DLGAP2: variants seen among roughly 807,000 people sequenced by gnomAD.
The protein encoded by DLGAP2 is DLG associated protein 2.
DLGAP2 carries 26 observed loss-of-function variants against 100.3 expected under a neutral mutation model. The ratio of observed to expected loss-of-function variants is 0.26; its 90% CI spans 0.19 to 0.36. DLGAP2 has a LOEUF of 0.36. DLGAP2 is among the 10% of genes least tolerant of loss of function. The probability of loss-of-function intolerance (pLI) is 1.00; values close to 1 mark genes in which losing one functional copy is unlikely to be tolerated. For missense variants in DLGAP2, 1,858 were observed against 1,453.2 expected (o/e 1.28, Z -4.53); for synonymous variants, 886 against 630.1 (o/e 1.41, Z -6.08).
chr8:1,588,554 T>C (rs568320091), intron 6 of DLGAP2, among the ~76,000 whole-genome samples: 4 of 152,132 alleles, frequency 2.6e-5, no homozygotes, highest in Non-Finnish European at 2.9e-5. Flanking sequence ...AAGGACTGAA[T>C]AGATAAATAA....
chr8:967,846 A>T lies in DLGAP2; in HGVS notation c.73+59880A>T, dbSNP rs1452900835. ...TATATATATATATATATATATATAT[A>T]TATATATATATATATATATATATAT... On this transcript the variant is annotated intron_variant, in intron 2 of 14. Coordinates refer to ENST00000637795, the MANE Select transcript of DLGAP2 (RefSeq NM_001346810.2). Among the ~76,000 whole-genome samples, 206 of 71,796 alleles carry T rather than the reference A, an allele frequency of 2.9e-3. 29 individuals carry two copies. The highest frequency in any genetic ancestry group is 0.019 in the Admixed American group (163 of 8,400). The allele number at this position is 71,796 out of a possible 152,430, so 47.1% of individuals were successfully genotyped here. A position where few individuals can be genotyped will look rare whatever the true frequency, so the allele number is the denominator to read the frequency against.
At chr8:904,787 T>G (rs1219071296) in intron 1 of DLGAP2, among the ~76,000 whole-genome samples, 1 of 152,236 alleles carries the variant, frequency 6.6e-6, no homozygotes. Context: ...CCTCCTGATC[T>G]TTCTCAGCTG....
At chr8:983,909 G>A (rs112675484) in intron 2 of DLGAP2, among the ~76,000 whole-genome samples, 2,465 of 152,250 alleles carry the variant, frequency 0.016, 67 homozygotes, top group African/African-American at 0.057. Flanking sequence ...CAAAGTGCTG[G>A]GAGTGCAGAT....
At chr8:1,677,571 C>T (rs1453795203) in intron 11 of DLGAP2, among the ~76,000 whole-genome samples, 3 of 152,180 alleles carry the variant, frequency 2.0e-5, no homozygotes, top group Non-Finnish European at 1.5e-5. Flanking sequence ...CCCACGTGCA[C>T]ACACACGCTC....
chr8:868,525 A>C (rs1200668993), intron 1 of DLGAP2, among the ~76,000 whole-genome samples: 2 of 152,266 alleles, frequency 1.3e-5, no homozygotes, highest in Admixed American at 6.5e-5. Context: ...GCTCAGAGTC[A>C]GTCTCAAGTG....
rs551787200 is a variant in DLGAP2, at chr8:988,152, C to T, written c.73+80186C>T. Among the ~76,000 whole-genome samples, 4 of 152,216 alleles carry T rather than the reference C, an allele frequency of 2.6e-5. No individual in the cohort carries two copies. The South Asian group carries it at 6.2e-4, about 24-fold the overall frequency. On this transcript the variant is annotated intron_variant, in intron 2 of 14. Coordinates refer to ENST00000637795, the MANE Select transcript of DLGAP2 (RefSeq NM_001346810.2). ...ACGTTCTTATAGGTTGGTAGCTAATCGCATGATTTTTATGTGGAATGTATT... is the reference window on the plus strand; with the variant it reads ...ACGTTCTTATAGGTTGGTAGCTAATTGCATGATTTTTATGTGGAATGTATT...
At chr8:1,087,509 A>T (rs1804013807) in intron 2 of DLGAP2, among the ~76,000 whole-genome samples, 1 of 149,424 alleles carries the variant, frequency 6.7e-6, no homozygotes, top group Admixed American at 6.7e-5. Context: ...CATTTTGTTT[A>T]GTTGTCAGTG....
At chr8:1,174,637 A>G (rs73532180) in intron 2 of DLGAP2, among the ~76,000 whole-genome samples, 10,866 of 151,676 alleles carry the variant, frequency 0.072, 1,130 homozygotes, top group African/African-American at 0.23. Flanking sequence ...TGCCACCATC[A>G]TCATCGTCGT....
intron 1 of DLGAP2, among the ~76,000 whole-genome samples, chr8:861,842 C>G (rs1251036618): frequency 1.3e-5 from 2 of 152,180 alleles, no homozygotes; most frequent in Non-Finnish European, 2.9e-5. Context: ...CTGTTTTTGC[C>G]AAGGCTTTAT....
At chr8:1,181,941 A>G (rs974017151) in intron 2 of DLGAP2, among the ~76,000 whole-genome samples, 4 of 152,216 alleles carry the variant, frequency 2.6e-5, no homozygotes, top group Non-Finnish European at 5.9e-5. Context: ...TTGATAGACA[A>G]TAACATTTTA....
At chr8:1,227,151 G>GAGAT (rs1441206375) in intron 2 of DLGAP2, among the ~76,000 whole-genome samples, 5 of 50,262 alleles carry the variant, frequency 9.9e-5, no homozygotes, top group African/African-American at 5.0e-4. Context: ...AGGAAACTGT[G>GAGAT]AGATATATAT....
chr8:1,209,761 G>C (rs1387753568), intron 2 of DLGAP2, among the ~76,000 whole-genome samples: 1 of 152,104 alleles, frequency 6.6e-6, no homozygotes, highest in Admixed American at 6.6e-5. Flanking sequence ...AGTCATAAGT[G>C]AGCTTATTTT....
intron 6 of DLGAP2, among the ~76,000 whole-genome samples, chr8:1,617,181 C>T (rs1453868903): frequency 6.6e-6 from 1 of 152,136 alleles, no homozygotes; most frequent in African/African-American, 2.4e-5. Context: ...GTGAATAGTG[C>T]TGCAATGAAT....
intron 3 of DLGAP2, among the ~76,000 whole-genome samples, chr8:1,313,529 G>C (rs920780679): frequency 1.3e-5 from 2 of 152,184 alleles, no homozygotes; most frequent in South Asian, 2.1e-4. Context: ...ATCAAGAATG[G>C]ACAAACAGTA....
intron 1 of DLGAP2, among the ~76,000 whole-genome samples, chr8:768,080 G>A (rs572133785): frequency 2.0e-5 from 3 of 152,250 alleles, no homozygotes; most frequent in African/African-American, 4.8e-5. Flanking sequence ...CCCACTTCCC[G>A]TGGGCTTTGG....
intron 3 of DLGAP2, among the ~76,000 whole-genome samples, chr8:1,354,634 C>T (rs925720745): frequency 6.7e-6 from 1 of 149,728 alleles, no homozygotes; most frequent in South Asian, 2.1e-4. Context: ...TGGAAAGTCA[C>T]GGATGATGCT....
At chr8:934,777 C>T (rs2129004027) in intron 2 of DLGAP2, among the ~76,000 whole-genome samples, 1 of 152,188 alleles carries the variant, frequency 6.6e-6, no homozygotes, top group Middle Eastern at 3.4e-3. Flanking sequence ...ACCAGAGTAC[C>T]CACCTTTTCT....
chr8:1,349,544 G>A lies in DLGAP2; in HGVS notation c.106+90661G>A, dbSNP rs183286860. Among the ~76,000 whole-genome samples, 22 of 145,542 alleles carry A rather than the reference G, an allele frequency of 1.5e-4. No homozygotes were observed. The East Asian group carries it at 2.5e-3, about 17-fold the overall frequency. On this transcript the variant is annotated intron_variant, in intron 3 of 14. Transcript: ENST00000637795. ...TGAGGGGGACTGTCGTGAGCCTCCC[G>A]CCCACATCCACACACAGATAGGAAG...
At chr8:1,132,880 G>T (rs762104288) in intron 2 of DLGAP2, among the ~76,000 whole-genome samples, 1 of 152,226 alleles carries the variant, frequency 6.6e-6, no homozygotes, top group Non-Finnish European at 1.5e-5. Flanking sequence ...ACTGGTTAAA[G>T]AAGAGAAGCT....
Sources: allele counts gnomAD v4.1 joint callset (sites outside exome capture counted in the v4.1 genomes callset), GRCh38; gene constraint gnomAD v4.1.1; transcripts MANE v1.5; gene names NCBI Gene and HGNC (gene_info 2026-07-23, HGNC 2026-07-21).